The following ATP11B variants were observed in gnomAD, a reference collection of about 807,000 sequenced individuals.
ATP11B encodes phospholipid-transporting ATPase IF.
A neutral mutation model predicts 157.8 loss-of-function variants in ATP11B; 81 were observed. The observed-to-expected ratio is 0.51, with a 90% CI of 0.43 to 0.62. The LOEUF is 0.62. Among genes scored for constraint, ATP11B ranks in the 20% least tolerant of loss-of-function variants. The probability of loss-of-function intolerance (pLI) is 0.00; values close to 1 mark genes in which losing one functional copy is unlikely to be tolerated. For synonymous variants in ATP11B, 451 were observed against 469.4 expected, an observed-to-expected ratio of 0.96 and a Z score of 0.51; for missense variants, 1,165 against 1,402.2, an observed-to-expected ratio of 0.83 and a Z score of 2.70.
At chr3:182,818,252 A>C (rs183501438) in intron 1 of ATP11B, among the ~76,000 whole-genome samples, 50 of 152,254 alleles carry the variant, frequency 3.3e-4, no homozygotes, top group Middle Eastern at 6.8e-3. Context: ...CTTCCTGTGA[A>C]CCTCTTTTGA....
intron 8 of ATP11B, chr3:182,844,402 T>C (rs73050647): frequency 0.12 from 23,670 of 197,458 alleles, 1,561 homozygotes; most frequent in African/African-American, 0.18. Flanking sequence ...TGGATAATTG[T>C]GTATGCATAT....
intron 28 of ATP11B, among the ~76,000 whole-genome samples, chr3:182,908,287 G>T (rs376369371): frequency 7.2e-6 from 1 of 138,300 alleles, no homozygotes; most frequent in East Asian, 2.2e-4. Flanking sequence ...TTGGCTCAAT[G>T]CGACCTCCAC....
chr3:182,866,065 G>T (rs1384377489), intron 13 of ATP11B, among the ~76,000 whole-genome samples: 1 of 152,094 alleles, frequency 6.6e-6, no homozygotes, highest in South Asian at 2.1e-4. Flanking sequence ...CAATGTGGTT[G>T]TACCTCCTAA....
chr3:182,810,884 C>T (rs1230884797), intron 1 of ATP11B, among the ~76,000 whole-genome samples: 2 of 152,130 alleles, frequency 1.3e-5, no homozygotes, highest in African/African-American at 4.8e-5. Context: ...CATATTTCCC[C>T]TGTTCGTATC....
At chr3:182,897,501 G>T (rs1414120315) in intron 27 of ATP11B, 95 bp downstream of exon 27, 2 of 853,306 alleles carry the variant, frequency 2.3e-6, no homozygotes, top group Admixed American at 3.0e-5. Context: ...GCTCATAACA[G>T]ATTTCAGACT....
intron 12 of ATP11B, among the ~76,000 whole-genome samples, chr3:182,864,031 C>T (rs1426120088): frequency 1.3e-5 from 2 of 151,924 alleles, no homozygotes; most frequent in Admixed American, 1.3e-4. Context: ...TCCAGTTTCA[C>T]CATTTATTTG....
At chr3:182,887,825 C>A in intron 24 of ATP11B, 112 bp downstream of exon 24, 5 of 1,115,592 alleles carry the variant, frequency 4.5e-6, no homozygotes, top group East Asian at 2.7e-5. Context: ...CTTTAGTTGT[C>A]GTATGATTTA....
chr3:182,912,086 TTGAGCATG>T (rs1724834540), intron 28 of ATP11B, among the ~76,000 whole-genome samples: 2 of 152,210 alleles, frequency 1.3e-5, no homozygotes, highest in Admixed American at 1.3e-4. Flanking sequence ...GCTTTATCCT[TTGAGCATG>T]TAGGAGCCCT....
At position 182,918,860 on chromosome 3, in the gene ATP11B, T is replaced by TAAAG. The variant is rs1342220284; in HGVS notation, c.*758_*761dup. 6.5e-6 allele frequency: 1 copy of TAAAG among 152,674 alleles called. No homozygotes were observed. The highest frequency in any genetic ancestry group is 1.9e-4 in the East Asian group (1 of 5,212). 9.5% of individuals were successfully genotyped at this position (152,674 alleles called of 1,614,324 possible). A position where few individuals can be genotyped will look rare whatever the true frequency, so the allele number is the denominator to read the frequency against. On this transcript the variant is annotated 3_prime_UTR_variant, in exon 30 of 30. Coordinates refer to ENST00000323116, the MANE Select transcript of ATP11B (RefSeq NM_014616.3). ...TTACTAATATTTTTGTGACAGAGTA[T>TAAAG]AAAGACCCTATAGTGGGTAAATTAG...
At chr3:182,872,335 A>T in intron 17 of ATP11B, 21 bp from the exon 18 acceptor site, 1 of 1,473,984 alleles carries the variant, frequency 6.8e-7, no homozygotes, top group Non-Finnish European at 9.1e-7. Context: ...TTTGTCTTTA[A>T]TTTTTATTTG....
rs994899841 is a variant in ATP11B at position 182,915,701 on chromosome 3, G to A, written c.3452+1707G>A. The A allele has an allele frequency of 1.6e-5, 16 of 983,618 alleles. No homozygotes were observed. The African/African-American group carries it at 1.9e-4, about 12-fold the overall frequency. 60.9% of individuals were successfully genotyped at this position (983,618 alleles called of 1,614,324 possible). A position where few individuals can be genotyped will look rare whatever the true frequency, so the allele number is the denominator to read the frequency against. On this transcript the variant is annotated intron_variant, in intron 29 of 29. Coordinates refer to ENST00000323116, the MANE Select transcript of ATP11B (RefSeq NM_014616.3). ...TATCCATTTTCTTGATATCGATTATGGTAATATGCCCCCATTATTCTTTAC... is the reference window on the plus strand; with the variant it reads ...TATCCATTTTCTTGATATCGATTATAGTAATATGCCCCCATTATTCTTTAC...
chr3:182,843,363 CAT>C (rs1719200907), intron 8 of ATP11B, among the ~76,000 whole-genome samples: 1 of 152,104 alleles, frequency 6.6e-6, no homozygotes, highest in African/African-American at 2.4e-5. Context: ...TAAAAGGAAA[CAT>C]AGCTGCTTTT....
At chr3:182,823,890 A>C (rs538913755) in intron 2 of ATP11B, among the ~76,000 whole-genome samples, 4 of 152,010 alleles carry the variant, frequency 2.6e-5, no homozygotes, top group African/African-American at 9.7e-5. Context: ...TTAAGTGTGC[A>C]GTTTGATGAG....
At chr3:182,800,371 G>T (rs2108482015) in intron 1 of ATP11B, among the ~76,000 whole-genome samples, 1 of 141,780 alleles carries the variant, frequency 7.1e-6, no homozygotes, top group African/African-American at 2.7e-5. Flanking sequence ...TCAGGCATTT[G>T]CCACCACACC....
Position 182,845,481 on chromosome 3 carries a change from T to G in ATP11B, c.728T>G (p.Leu243Arg). The G allele has an allele frequency of 6.3e-7, 1 of 1,599,950 alleles. No individual in the cohort carries two copies. Among genetic ancestry groups the G allele is most frequent in the Non-Finnish European group, 8.5e-7 (1 of 1,176,854 alleles). The stretch of plus-strand genomic sequence containing the variant: ...AGACCTCTGGGGCCGGAGAGTCTCC[T>G]GCTTCGTGGAGCCAGATTAAAAAAC... ...IVRPLGPESL[L>R]LRGARLKNTK... The change falls in exon 9 of 30, where the codon CTG (leucine) becomes CGG (arginine). Residue 243 changes from leucine (L) to arginine (R), a missense_variant. Around this residue, in one of 4 missense-constraint regions of ATP11B, gnomAD observed 737 missense variants for 930.5 expected, o/e 0.79. Transcript: ENST00000323116.
intron 28 of ATP11B, among the ~76,000 whole-genome samples, chr3:182,911,408 T>C (rs1216558727): frequency 2.2e-5 from 3 of 136,026 alleles, no homozygotes; most frequent in African/African-American, 5.0e-5. Context: ...CTGCCTCTTA[T>C]AATCATAAGG....
At position 182,914,335 on chromosome 3, in the gene ATP11B, T is replaced by C. The variant is rs190841669; in HGVS notation, c.3452+341T>C. On this transcript the variant is annotated intron_variant, in intron 29 of 29. Coordinates refer to ENST00000323116, the MANE Select transcript of ATP11B (RefSeq NM_014616.3). The stretch of plus-strand genomic sequence containing the variant: ...TCTTTTTTAAATTATACATATACTA[T>C]TTCCTTTTTATTTTTTTAAAATTTT... The C allele has an allele frequency of 2.9e-4, 279 of 978,832 alleles. No individual in the cohort carries two copies. The African/African-American group carries it at 4.7e-3, about 17-fold the overall frequency. The allele number at this position is 978,832 out of a possible 1,614,324, so 60.6% of individuals were successfully genotyped here. A position where few individuals can be genotyped will look rare whatever the true frequency, so the allele number is the denominator to read the frequency against.
Position 182,820,343 on chromosome 3 carries a change from G to C in ATP11B, c.111G>C (p.Gln37His), listed in dbSNP as rs1017722663. ...CTCAGAATGGCCTTTACACACCTCA[G>C]AAATTTATAGATAACAGGATCATTT... ...RFPQNGLYTPQKFIDNRIISS... is the reference protein window; with the variant it reads ...RFPQNGLYTPHKFIDNRIISS... Residue 37 changes from glutamine (Q) to histidine (H), a missense_variant, in exon 2 of 30, where the codon CAG becomes CAC. Coordinates refer to ENST00000323116, the MANE Select transcript of ATP11B (RefSeq NM_014616.3). 3.7e-6 allele frequency: 6 copies of C among 1,610,832 alleles called. No individual in the cohort carries two copies. The African/African-American group carries it at 8.0e-5, about 22-fold the overall frequency.
At chr3:182,899,004 T>G (rs1339483849) in intron 28 of ATP11B, among the ~76,000 whole-genome samples, 1 of 152,098 alleles carries the variant, frequency 6.6e-6, no homozygotes, top group Non-Finnish European at 1.5e-5. Context: ...GTGTTGTTAA[T>G]AAAACTTTAT....
Sources: gnomAD v4.1 joint callset for allele counts (sites outside exome capture counted in the v4.1 genomes callset) on GRCh38, gnomAD v4.1.1 for gene constraint, gnomAD v4.1.1 regional missense constraint, MANE v1.5 for transcripts, NCBI Gene and HGNC (gene_info 2026-07-23, HGNC 2026-07-21) for gene names.